Variants in ARK2N observed in about 807,000 individuals in gnomAD.
ARK2N encodes the protein protein ARK2N.
chr18:46,176,489 C>T, the ARK2N span, among the ~76,000 whole-genome samples: 1,845 of 149,800 alleles, frequency 0.012, 47 homozygotes, highest in African/African-American at 0.043. Context: ...CACTCTTGCT[C>T]TGTCACCCAG....
At chr18:46,181,586 C>T in the ARK2N span, among the ~76,000 whole-genome samples, 1 of 151,954 alleles carries the variant, frequency 6.6e-6, no homozygotes, top group Non-Finnish European at 1.5e-5. Flanking sequence ...TGGTGGCGGG[C>T]ACCTGTAGTC....
At chr18:46,182,683 C>CTTTTTTTTTTTTTTTTTTTTT in the ARK2N span, among the ~76,000 whole-genome samples, 1 of 87,810 alleles carries the variant, frequency 1.1e-5, no homozygotes, top group Non-Finnish European at 2.2e-5. Flanking sequence ...AGCCACAGTG[C>CTTTTTTTTTTTTTTTTTTTTT]TTTTTTTTTT....
chr18:46,183,066 A>G, the ARK2N span, among the ~76,000 whole-genome samples: 10 of 152,086 alleles, frequency 6.6e-5, no homozygotes, highest in Non-Finnish European at 1.0e-4. Flanking sequence ...AGAAAACCGA[A>G]AAACTTACCA....
At chr18:46,198,713 C>T in the ARK2N span, among the ~76,000 whole-genome samples, 1 of 152,140 alleles carries the variant, frequency 6.6e-6, no homozygotes, top group South Asian at 2.1e-4. Flanking sequence ...ATTCTCCTGC[C>T]TCAGCCTCCC....
At chr18:46,239,696 C>CT in the ARK2N span, among the ~76,000 whole-genome samples, 1 of 152,146 alleles carries the variant, frequency 6.6e-6, no homozygotes, top group African/African-American at 2.4e-5. Flanking sequence ...TGGAGTCATC[C>CT]TTTTTTTCTT....
At chr18:46,218,525 A>G in the ARK2N span, 1 of 152,220 alleles carries the variant, frequency 6.6e-6, no homozygotes, top group Non-Finnish European at 1.5e-5. Context: ...TGCCATTCCC[A>G]TAAGACAGGT....
At chr18:46,266,511 C>G in the ARK2N span, 1 of 152,496 alleles carries the variant, frequency 6.6e-6, no homozygotes, top group Non-Finnish European at 1.5e-5. Flanking sequence ...TTCTTATTCT[C>G]TTAACAAATT....
the ARK2N span, chr18:46,216,256 G>A: frequency 6.8e-6 from 11 of 1,613,860 alleles, no homozygotes; most frequent in Admixed American, 5.0e-5. This position sits in a 1 kb window ranked among gnomAD's most constrained non-coding sequence, Gnocchi z 4.3. Flanking sequence ...GGCGGTAGAA[G>A]GAGACCCTTC....
chr18:46,235,690 A>G, the ARK2N span, among the ~76,000 whole-genome samples: 1 of 152,222 alleles, frequency 6.6e-6, no homozygotes, highest in African/African-American at 2.4e-5. Flanking sequence ...TTCAACAATG[A>G]GAACAATTAT....
the ARK2N span, among the ~76,000 whole-genome samples, chr18:46,207,388 C>CTTTTTTTT: frequency 8.6e-6 from 1 of 115,916 alleles, no homozygotes. Flanking sequence ...AGTTTCTATA[C>CTTTTTTTT]TTTTTTTTTT....
chr18:46,233,265 T>G, the ARK2N span, among the ~76,000 whole-genome samples: 1 of 152,132 alleles, frequency 6.6e-6, no homozygotes, highest in African/African-American at 2.4e-5. Flanking sequence ...AAGGCTAGAA[T>G]GTGGAATGGA....
chr18:46,244,726 C>G, the ARK2N span, among the ~76,000 whole-genome samples: 4 of 151,308 alleles, frequency 2.6e-5, no homozygotes, highest in African/African-American at 9.7e-5. Flanking sequence ...CTCAGCCTCA[C>G]AAGTAGCTGG....
the ARK2N span, among the ~76,000 whole-genome samples, chr18:46,236,838 T>TGTTG: frequency 2.0e-5 from 3 of 150,092 alleles, no homozygotes; most frequent in African/African-American, 4.9e-5. Flanking sequence ...CTGTTTTTTT[T>TGTTG]TTGTTGTTGT....
the ARK2N span, among the ~76,000 whole-genome samples, chr18:46,214,402 C>G: frequency 2.0e-5 from 3 of 152,154 alleles, no homozygotes; most frequent in Non-Finnish European, 4.4e-5. Context: ...ATTTAGCATC[C>G]TCTTTAAAAA....
At chr18:46,211,207 T>C in the ARK2N span, among the ~76,000 whole-genome samples, 1 of 152,132 alleles carries the variant, frequency 6.6e-6, no homozygotes, top group South Asian at 2.1e-4. Flanking sequence ...TGGTTTTTTT[T>C]ACTTTTGTTT....
At chr18:46,197,330 G>C in the ARK2N span, among the ~76,000 whole-genome samples, 1 of 152,056 alleles carries the variant, frequency 6.6e-6, no homozygotes. Context: ...TGCCTCCCAG[G>C]TTCAAGCGAT....
chr18:46,232,194 C>G, the ARK2N span: 1 of 152,032 alleles, frequency 6.6e-6, no homozygotes, highest in Admixed American at 6.6e-5. Context: ...CTGACTTTGC[C>G]TAAAGGTATA....
At chr18:46,179,971 T>C in the ARK2N span, among the ~76,000 whole-genome samples, 2 of 152,232 alleles carry the variant, frequency 1.3e-5, no homozygotes, top group Non-Finnish European at 2.9e-5. Context: ...GGAAACTATG[T>C]GATCTATGTG....
At chr18:46,200,066 T>TTG in the ARK2N span, among the ~76,000 whole-genome samples, 18,857 of 149,936 alleles carry the variant, frequency 0.13, 2,168 homozygotes, top group African/African-American at 0.31. Context: ...AAATTCTTTA[T>TTG]TGTGTGTGTG....
Sources: allele counts gnomAD v4.1 joint callset (sites outside exome capture counted in the v4.1 genomes callset), GRCh38; gene constraint gnomAD v4.1.1; non-coding constraint Gnocchi (gnomAD v3.1); transcripts MANE v1.5; gene names NCBI Gene and HGNC (gene_info 2026-07-23, HGNC 2026-07-21).